The following CYP39A1 variants were observed in gnomAD, a reference collection of about 807,000 sequenced individuals.
The protein encoded by CYP39A1 is cytochrome P450 family 39 subfamily A member 1.
CYP39A1 carries 49 observed loss-of-function variants against 58.1 expected under a neutral mutation model. The ratio of observed to expected loss-of-function variants is 0.84; its 90% confidence interval spans 0.67 to 1.07. CYP39A1 has a LOEUF of 1.07. CYP39A1 is among the 50% of genes least tolerant of loss of function. The pLI, the probability that CYP39A1 is intolerant of heterozygous loss-of-function variation, is 0.00. For synonymous variants in CYP39A1, 209 were observed against 187.6 expected (o/e 1.11, Z -0.93); for missense variants, 531 against 539.4 (o/e 0.98, Z 0.16).
At chr6:46,633,238 C>G (rs1775766424) in intron 5 of CYP39A1, among the ~76,000 whole-genome samples, 1 of 152,096 alleles carries the variant, frequency 6.6e-6, no homozygotes, top group Non-Finnish European at 1.5e-5. Context: ...CTGCTTGTCT[C>G]TATTATACTT....
At chr6:46,643,714 T>C (rs1001999974) in intron 1 of CYP39A1, among the ~76,000 whole-genome samples, 2 of 152,242 alleles carry the variant, frequency 1.3e-5, no homozygotes, top group African/African-American at 2.4e-5. Flanking sequence ...TTAAAGTAAC[T>C]GCAATATAAC....
intron 7 of CYP39A1, among the ~76,000 whole-genome samples, chr6:46,621,423 T>G (rs1235798212): frequency 6.6e-6 from 1 of 152,116 alleles, no homozygotes; most frequent in African/African-American, 2.4e-5. Context: ...GACAAATATG[T>G]AGCTACAATG....
At chr6:46,568,911 T>A (rs1771433777) in intron 10 of CYP39A1, among the ~76,000 whole-genome samples, 1 of 127,960 alleles carries the variant, frequency 7.8e-6, no homozygotes, top group Non-Finnish European at 1.6e-5. Flanking sequence ...TAGGCTTTTC[T>A]ATTTCTGCCA....
At chr6:46,629,893 A>G (rs1361442832) in intron 6 of CYP39A1, among the ~76,000 whole-genome samples, 2 of 151,668 alleles carry the variant, frequency 1.3e-5, no homozygotes, top group African/African-American at 4.9e-5. Context: ...GACGTGACAG[A>G]CAAATCTCAT....
At chr6:46,647,233 A>G (rs888930180) in intron 1 of CYP39A1, among the ~76,000 whole-genome samples, 2 of 152,078 alleles carry the variant, frequency 1.3e-5, no homozygotes, top group Non-Finnish European at 2.9e-5. Flanking sequence ...TTTTCAAGAG[A>G]CTGGGTTAAA....
intron 8 of CYP39A1, among the ~76,000 whole-genome samples, chr6:46,593,198 A>G (rs1772946877): frequency 6.6e-6 from 1 of 152,154 alleles, no homozygotes; most frequent in African/African-American, 2.4e-5. Context: ...TTGCGGTAGT[A>G]CATTTAAGAG....
intron 6 of CYP39A1, among the ~76,000 whole-genome samples, chr6:46,629,640 C>T (rs1408464666): frequency 1.3e-5 from 2 of 152,150 alleles, no homozygotes; most frequent in South Asian, 2.1e-4. Flanking sequence ...AAGCCTTTAA[C>T]AACCTAGGCC....
At chr6:46,584,869 C>T (rs1049449004) in intron 10 of CYP39A1, among the ~76,000 whole-genome samples, 4 of 152,126 alleles carry the variant, frequency 2.6e-5, no homozygotes, top group African/African-American at 4.8e-5. Context: ...CTCAGTGTGA[C>T]GCTTTGGCAT....
chr6:46,576,346 G>A (rs1157836692), intron 10 of CYP39A1, among the ~76,000 whole-genome samples: 2 of 152,098 alleles, frequency 1.3e-5, no homozygotes, highest in African/African-American at 4.8e-5. Context: ...AAGAATATAA[G>A]AAGCAAAAAG....
At chr6:46,588,207 T>C in intron 8 of CYP39A1, 78 bp from the exon 9 acceptor site, 1 of 732,736 alleles carries the variant, frequency 1.4e-6, no homozygotes. Context: ...AAAATGATGC[T>C]ACAATTATAT....
chr6:46,605,052 C>G (rs114305920), intron 7 of CYP39A1, among the ~76,000 whole-genome samples: 4 of 150,586 alleles, frequency 2.7e-5, no homozygotes, highest in Non-Finnish European at 5.9e-5. Flanking sequence ...TTTTAAGAAA[C>G]TTTACAAGTT....
chr6:46,595,488 T>C lies in CYP39A1; in HGVS notation c.1065+499A>G, dbSNP rs181369030. On this transcript the variant is annotated intron_variant, in intron 8 of 11. Transcript: ENST00000275016. ...GTTAAGTGAAACAAGCCAGGAAGAA[T>C]GACAAACCACATATAAGTGTATTTT... Among the ~76,000 whole-genome samples, 14 of 152,002 alleles carry C rather than the reference T, an allele frequency of 9.2e-5. No homozygotes were observed. The East Asian group carries it at 2.7e-3, about 29-fold the overall frequency.
chr6:46,585,933 G>A (rs9367252), intron 10 of CYP39A1, among the ~76,000 whole-genome samples: 30,632 of 151,980 alleles, frequency 0.2, 3,204 homozygotes, highest in African/African-American at 0.21. Context: ...CAGGATGAAC[G>A]GGGCCTCATC....
chr6:46,616,309 G>C (rs1774603676), intron 7 of CYP39A1, among the ~76,000 whole-genome samples: 1 of 141,920 alleles, frequency 7.0e-6, no homozygotes, highest in African/African-American at 2.7e-5. Context: ...CCAGCCTGGA[G>C]TGCAATGGAG....
At chr6:46,627,066 T>C (rs200547944) in intron 6 of CYP39A1, among the ~76,000 whole-genome samples, 4 of 152,106 alleles carry the variant, frequency 2.6e-5, no homozygotes, top group African/African-American at 9.7e-5. Flanking sequence ...AGGCACATCT[T>C]ACACGGTGGC....
chr6:46,642,998 G>A (rs560695644), intron 1 of CYP39A1, among the ~76,000 whole-genome samples: 1 of 152,182 alleles, frequency 6.6e-6, no homozygotes, highest in South Asian at 2.1e-4. Flanking sequence ...TTCTCCATTT[G>A]TGTTATGGAT....
chr6:46,607,462 C>G (rs1403208633), intron 7 of CYP39A1, among the ~76,000 whole-genome samples: 2 of 143,454 alleles, frequency 1.4e-5, no homozygotes, highest in African/African-American at 5.5e-5. Flanking sequence ...GCCCCTTCCC[C>G]CTACACACAC....
At chr6:46,574,825 C>T (rs929298654) in intron 10 of CYP39A1, among the ~76,000 whole-genome samples, 3 of 151,684 alleles carry the variant, frequency 2.0e-5, no homozygotes, top group African/African-American at 7.3e-5. Flanking sequence ...GTCTAAGTAT[C>T]AAAAATCACT....
intron 10 of CYP39A1, among the ~76,000 whole-genome samples, chr6:46,569,949 C>A (rs1211450140): frequency 6.6e-6 from 1 of 151,948 alleles, no homozygotes; most frequent in Non-Finnish European, 1.5e-5. Flanking sequence ...TGTATTAATT[C>A]TTTAAATGTT....
Sources: gnomAD v4.1 joint callset for allele counts (sites outside exome capture counted in the v4.1 genomes callset) on GRCh38, gnomAD v4.1.1 for gene constraint, MANE v1.5 for transcripts, NCBI Gene and HGNC (gene_info 2026-07-23, HGNC 2026-07-21) for gene names.